Variants in CTNNA2 observed in about 807,000 individuals in gnomAD.
CTNNA2 encodes catenin alpha 2, also known as catenin alpha-2.
In CTNNA2, 42 loss-of-function variants were observed where a neutral mutation model predicts 101.0. That is an observed-to-expected ratio of 0.42 (90% confidence interval 0.32 to 0.54). The LOEUF is 0.54. CTNNA2 is among the 20% of genes least tolerant of loss of function. The pLI, the probability that CTNNA2 is intolerant of heterozygous loss-of-function variation, is 0.14. For synonymous variants in CTNNA2, 450 were observed against 456.4 expected, an observed-to-expected ratio of 0.99 and a Z score of 0.18; for missense variants, 871 against 1,223.1, an observed-to-expected ratio of 0.71 and a Z score of 4.29.
intron 3 of CTNNA2, among the ~76,000 whole-genome samples, chr2:79,785,728 T>C (rs143515872): frequency 1.3e-5 from 2 of 152,280 alleles, no homozygotes; most frequent in Non-Finnish European, 2.9e-5. Context: ...GACACACAGC[T>C]AGCTGGACTT....
At chr2:79,865,519 C>A (rs1682004408) in intron 4 of CTNNA2, among the ~76,000 whole-genome samples, 1 of 152,084 alleles carries the variant, frequency 6.6e-6, no homozygotes, top group African/African-American at 2.4e-5. Context: ...TCTGTCCAAA[C>A]AGAAATGATA....
chr2:80,115,744 G>A (rs183048555), intron 7 of CTNNA2, among the ~76,000 whole-genome samples: 7 of 152,288 alleles, frequency 4.6e-5, no homozygotes, highest in East Asian at 3.9e-4. Context: ...GCACAGCCAC[G>A]TGGAAGGGCA....
upstream of CTNNA2, among the ~76,000 whole-genome samples, chr2:79,511,374 C>T (rs1244244646): frequency 1.3e-5 from 2 of 152,200 alleles, no homozygotes; most frequent in Non-Finnish European, 2.9e-5. Flanking sequence ...ATAGTATGCA[C>T]TTTTCATTCT....
At chr2:80,187,990 G>C (rs1706242799) in intron 7 of CTNNA2, among the ~76,000 whole-genome samples, 1 of 152,112 alleles carries the variant, frequency 6.6e-6, no homozygotes, top group Non-Finnish European at 1.5e-5. Context: ...AGGATGTCCT[G>C]GTGTAGCCAG....
At chr2:79,873,822 G>A (rs981947803) in intron 5 of CTNNA2, among the ~76,000 whole-genome samples, 2 of 151,898 alleles carry the variant, frequency 1.3e-5, no homozygotes, top group Non-Finnish European at 2.9e-5. Context: ...GGATCACTTG[G>A]GCCCAGGAGA....
At chr2:79,693,392 A>G (rs867753831) in intron 2 of CTNNA2, among the ~76,000 whole-genome samples, 2 of 151,900 alleles carry the variant, frequency 1.3e-5, no homozygotes, top group Non-Finnish European at 2.9e-5. Context: ...CCTAATACCT[A>G]GAGTCTACAC....
chr2:80,594,958 T>G (rs1416311625), intron 15 of CTNNA2, among the ~76,000 whole-genome samples: 2 of 152,146 alleles, frequency 1.3e-5, no homozygotes, highest in African/African-American at 4.8e-5. Context: ...CAATTTTTGT[T>G]CTTTTCAAGA....
chr2:79,914,668 C>T (rs1487123518), intron 7 of CTNNA2, among the ~76,000 whole-genome samples: 3 of 152,040 alleles, frequency 2.0e-5, no homozygotes, highest in Non-Finnish European at 4.4e-5. Flanking sequence ...GGCAGAGATC[C>T]TGGTGGCATA....
At chr2:79,767,545 T>C (rs74349723) in intron 3 of CTNNA2, among the ~76,000 whole-genome samples, 4,071 of 152,234 alleles carry the variant, frequency 0.027, 214 homozygotes, top group Admixed American at 0.13. Flanking sequence ...CTAAGCTGTA[T>C]CTGCTTTAGG....
intron 9 of CTNNA2, among the ~76,000 whole-genome samples, chr2:80,462,003 G>C (rs1256040497): frequency 6.6e-6 from 1 of 152,170 alleles, no homozygotes; most frequent in African/African-American, 2.4e-5. Context: ...GCAATAAAAG[G>C]TTTGGTGATG....
intron 2 of CTNNA2, among the ~76,000 whole-genome samples, chr2:79,689,879 T>A (rs114332523): frequency 4.9e-4 from 75 of 152,118 alleles, no homozygotes; most frequent in African/African-American, 1.8e-3. Flanking sequence ...AGAAAGAATG[T>A]GTTAACTGGA....
At chr2:80,290,311 C>A (rs771383885) in intron 7 of CTNNA2, among the ~76,000 whole-genome samples, 4 of 152,214 alleles carry the variant, frequency 2.6e-5, no homozygotes, top group Non-Finnish European at 4.4e-5. Context: ...AAGACAAAGT[C>A]CTTCACATGA....
At position 79,776,583 on chromosome 2, in the gene CTNNA2, C is replaced by A. The variant is rs560409935; in HGVS notation, c.298+32001C>A. 6.1e-4 allele frequency among the ~76,000 whole-genome samples: 93 copies of A among 152,316 alleles called. 1 individual carries two copies. The South Asian group carries it at 0.017, about 28-fold the overall frequency. On this transcript the variant is annotated intron_variant, in intron 3 of 18. Coordinates refer to ENST00000402739, the MANE Select transcript of CTNNA2 (RefSeq NM_001282597.3). Reference sequence around the variant, plus strand: ...GAATTGCCAAATATATCCGCACATTCAAGCATTTAAATCCACTTATCATAA... The same window carrying A: ...GAATTGCCAAATATATCCGCACATTAAAGCATTTAAATCCACTTATCATAA...
At chr2:79,945,425 A>T (rs994586232) in intron 7 of CTNNA2, among the ~76,000 whole-genome samples, 1 of 152,190 alleles carries the variant, frequency 6.6e-6, no homozygotes, top group Non-Finnish European at 1.5e-5. Context: ...AGGGCAGAAA[A>T]AGACTACTAT....
intron 4 of CTNNA2, among the ~76,000 whole-genome samples, chr2:79,442,784 TTGTC>T (rs1453016396): frequency 6.6e-6 from 1 of 152,162 alleles, no homozygotes; most frequent in Non-Finnish European, 1.5e-5. Context: ...ATTGATTACT[TTGTC>T]TGTTTGTATG....
At chr2:80,195,668 A>G (rs1706782560) in intron 7 of CTNNA2, among the ~76,000 whole-genome samples, 1 of 151,892 alleles carries the variant, frequency 6.6e-6, no homozygotes, top group Admixed American at 6.6e-5. Flanking sequence ...TTAAAAATGC[A>G]AAGCAATTCA....
intron 3 of CTNNA2, among the ~76,000 whole-genome samples, chr2:79,359,188 G>T (rs1677572646): frequency 6.6e-6 from 1 of 152,164 alleles, no homozygotes; most frequent in South Asian, 2.1e-4. Flanking sequence ...TGCCTGGTTT[G>T]GGATAAAGTG....
At chr2:79,694,645 C>G (rs1026072394) in intron 2 of CTNNA2, among the ~76,000 whole-genome samples, 1 of 151,500 alleles carries the variant, frequency 6.6e-6, no homozygotes, top group Non-Finnish European at 1.5e-5. Context: ...CTGTTGACAT[C>G]GTAATAGGCT....
intron 2 of CTNNA2, among the ~76,000 whole-genome samples, chr2:79,295,961 G>T (rs954259625): frequency 7.3e-5 from 11 of 150,814 alleles, no homozygotes; most frequent in Admixed American, 4.6e-4. Context: ...CAACAAAATT[G>T]TGGGGAAATT....
Sources: allele counts gnomAD v4.1 joint callset (sites outside exome capture counted in the v4.1 genomes callset), GRCh38; gene constraint gnomAD v4.1.1; transcripts MANE v1.5; gene names NCBI Gene and HGNC (gene_info 2026-07-23, HGNC 2026-07-21).